Variants in SLX4IP observed in about 807,000 individuals in gnomAD.
SLX4IP encodes SLX4 interacting protein.
Under a neutral mutation model 32.9 loss-of-function variants are expected in SLX4IP, and 34 were observed. That is an observed-to-expected ratio of 1.03 (90% confidence interval 0.79 to 1.38). The LOEUF is 1.38. Ranked by LOEUF, SLX4IP falls within the 40% of genes most tolerant of loss-of-function variation. SLX4IP has a pLI of 0.00. For missense variants in SLX4IP, 444 were observed against 479.0 expected (o/e 0.93, Z 0.68); for synonymous variants, 172 against 171.7 (o/e 1.00, Z -0.01).
chr20:10,458,307 A>G (rs2065305220), intron 2 of SLX4IP, 76 bp downstream of exon 2: 3 of 1,404,940 alleles, frequency 2.1e-6, no homozygotes, highest in East Asian at 4.9e-5. Flanking sequence ...TTAATTGAAA[A>G]TCGAGGTTCC....
chr20:10,570,175 T>C (rs193112738), intron 4 of SLX4IP, among the ~76,000 whole-genome samples: 17 of 152,324 alleles, frequency 1.1e-4, no homozygotes, highest in African/African-American at 3.8e-4. Context: ...GCCATGTGCT[T>C]AAATTGACTA....
chr20:10,592,959 T>C (rs992735325), intron 4 of SLX4IP, among the ~76,000 whole-genome samples: 4 of 152,128 alleles, frequency 2.6e-5, no homozygotes, highest in African/African-American at 9.7e-5. Context: ...TATTATATGT[T>C]CCTAGTCTAG....
At chr20:10,533,457 C>T (rs2066007047) in intron 2 of SLX4IP, among the ~76,000 whole-genome samples, 1 of 151,972 alleles carries the variant, frequency 6.6e-6, no homozygotes, top group Admixed American at 6.6e-5. Flanking sequence ...GCATGTGCCA[C>T]CACACCTTTA....
At position 10,497,203 on chromosome 20, in the gene SLX4IP, T is replaced by A. The variant is rs562291112; in HGVS notation, c.27+38972T>A. Among the ~76,000 whole-genome samples, 3 of 152,312 alleles carry A rather than the reference T, an allele frequency of 2.0e-5. No individual in the cohort carries two copies. In the South Asian group the frequency reaches 6.2e-4, roughly 32 times the overall value. On this transcript the variant is annotated intron_variant, in intron 2 of 7. Coordinates refer to ENST00000334534, the MANE Select transcript of SLX4IP (RefSeq NM_001009608.3). Reference sequence around the variant, plus strand: ...TTGATTGATACTTAGTTTTTCAATGTCAGAAATTACTTTGCATTGAATCTT... The same window carrying A: ...TTGATTGATACTTAGTTTTTCAATGACAGAAATTACTTTGCATTGAATCTT...
intron 2 of SLX4IP, among the ~76,000 whole-genome samples, chr20:10,503,114 C>G (rs1471212815): frequency 6.6e-6 from 1 of 152,158 alleles, no homozygotes; most frequent in East Asian, 1.9e-4. Flanking sequence ...TATGGCCTAC[C>G]CTGCCATCTG....
chr20:10,621,940 C>CT (rs1416747315), intron 7 of SLX4IP, among the ~76,000 whole-genome samples: 1 of 152,188 alleles, frequency 6.6e-6, no homozygotes, highest in Non-Finnish European at 1.5e-5. Context: ...CTAATTCTCC[C>CT]TGTGCAGCTT....
intron 4 of SLX4IP, among the ~76,000 whole-genome samples, chr20:10,583,795 T>C (rs2066613208): frequency 1.3e-5 from 2 of 152,194 alleles, no homozygotes; most frequent in Non-Finnish European, 2.9e-5. Context: ...TTTAGATTTG[T>C]TCATTAGGTA....
At chr20:10,471,125 C>T (rs1303983713) in intron 2 of SLX4IP, among the ~76,000 whole-genome samples, 2 of 152,184 alleles carry the variant, frequency 1.3e-5, no homozygotes, top group Non-Finnish European at 2.9e-5. Flanking sequence ...CTTAGGCTGT[C>T]AGTAATTATT....
At chr20:10,531,237 A>G (rs2065986801) in intron 2 of SLX4IP, among the ~76,000 whole-genome samples, 1 of 152,166 alleles carries the variant, frequency 6.6e-6, no homozygotes, top group African/African-American at 2.4e-5. Flanking sequence ...CCGTGACTTG[A>G]CAGGGAAGTT....
At chr20:10,610,770 C>T (rs1600154445) in intron 6 of SLX4IP, among the ~76,000 whole-genome samples, 1 of 152,366 alleles carries the variant, frequency 6.6e-6, no homozygotes, top group African/African-American at 2.4e-5. Context: ...TGAGTCAATA[C>T]ATACATGCTT....
intron 2 of SLX4IP, among the ~76,000 whole-genome samples, chr20:10,555,010 A>G (rs1186165468): frequency 1.3e-5 from 2 of 152,104 alleles, no homozygotes; most frequent in African/African-American, 4.8e-5. Context: ...ATCCTAAGAA[A>G]TCTTTTCCTA....
chr20:10,453,549 A>T (rs1274032325), intron 1 of SLX4IP, among the ~76,000 whole-genome samples: 2 of 152,144 alleles, frequency 1.3e-5, no homozygotes, highest in Non-Finnish European at 2.9e-5. Context: ...GAAAAAATAC[A>T]TGAAACAGTT....
At chr20:10,548,364 G>A (rs1048316705) in intron 2 of SLX4IP, among the ~76,000 whole-genome samples, 3 of 151,934 alleles carry the variant, frequency 2.0e-5, no homozygotes, top group East Asian at 1.9e-4. Flanking sequence ...TCAGCCTCCC[G>A]AGTAGCTGGG....
At chr20:10,610,316 A>G (rs2066951744) in intron 6 of SLX4IP, among the ~76,000 whole-genome samples, 1 of 152,272 alleles carries the variant, frequency 6.6e-6, no homozygotes, top group African/African-American at 2.4e-5. Flanking sequence ...AAGAAAAGAA[A>G]ACTTTTAAAA....
intron 2 of SLX4IP, among the ~76,000 whole-genome samples, chr20:10,537,067 A>G (rs2066053562): frequency 6.6e-6 from 1 of 152,248 alleles, no homozygotes; most frequent in Admixed American, 6.5e-5. Context: ...AGCTTAGGGC[A>G]TAGAACATTA....
chr20:10,513,927 G>A (rs2065830562), intron 2 of SLX4IP, among the ~76,000 whole-genome samples: 1 of 152,178 alleles, frequency 6.6e-6, no homozygotes, highest in Non-Finnish European at 1.5e-5. Flanking sequence ...GATTTAAGGA[G>A]AACACCAAGT....
intron 4 of SLX4IP, among the ~76,000 whole-genome samples, chr20:10,571,438 G>A (rs1264727979): frequency 1.3e-5 from 2 of 152,270 alleles, no homozygotes; most frequent in African/African-American, 2.4e-5. Flanking sequence ...CATCCCCAGA[G>A]TGTGCTGCTG....
chr20:10,490,300 T>C (rs772552259), intron 2 of SLX4IP, among the ~76,000 whole-genome samples: 2 of 152,258 alleles, frequency 1.3e-5, no homozygotes, highest in Non-Finnish European at 2.9e-5. Flanking sequence ...AATTAAAATA[T>C]TCCATTTCCG....
intron 2 of SLX4IP, among the ~76,000 whole-genome samples, chr20:10,533,712 C>A (rs1176711781): frequency 1.3e-5 from 2 of 151,092 alleles, no homozygotes; most frequent in Middle Eastern, 3.4e-3. Flanking sequence ...CTCCACCTCC[C>A]GAGCTCAAGC....
Sources: allele counts gnomAD v4.1 joint callset (sites outside exome capture counted in the v4.1 genomes callset), GRCh38; gene constraint gnomAD v4.1.1; transcripts MANE v1.5; gene names NCBI Gene and HGNC (gene_info 2026-07-23, HGNC 2026-07-21).